Variants in IQCJ observed in about 807,000 individuals in gnomAD.
The protein encoded by IQCJ is IQ motif containing J.
IQCJ carries 9 observed loss-of-function variants against 11.0 expected under a neutral mutation model. The ratio of observed to expected loss-of-function variants is 0.82; its 90% CI spans 0.49 to 1.43. IQCJ has a LOEUF of 1.43. Among genes scored for constraint, IQCJ ranks in the 40% most tolerant of loss-of-function variants. The pLI is 0.00. For missense variants in IQCJ, 146 were observed against 133.2 expected (o/e 1.10, Z -0.47); for synonymous variants, 55 against 51.3 (o/e 1.07, Z -0.31).
intron 1 of IQCJ, among the ~76,000 whole-genome samples, chr3:159,161,029 T>C (rs1196135546): frequency 6.6e-6 from 1 of 152,186 alleles, no homozygotes; most frequent in Non-Finnish European, 1.5e-5. Context: ...TGATTTATAG[T>C]CCTTTGGGTA....
At chr3:159,219,361 G>A (rs1407739968) in intron 1 of IQCJ, among the ~76,000 whole-genome samples, 1 of 152,116 alleles carries the variant, frequency 6.6e-6, no homozygotes, top group Non-Finnish European at 1.5e-5. Flanking sequence ...ATGGAGGGAA[G>A]TCTTCAGCCA....
chr3:159,116,730 A>G (rs532793486), intron 1 of IQCJ, among the ~76,000 whole-genome samples: 2 of 147,782 alleles, frequency 1.4e-5, no homozygotes, highest in Non-Finnish European at 3.0e-5. Flanking sequence ...CATCTTGAAC[A>G]TTTGCATATC....
intron 1 of IQCJ, among the ~76,000 whole-genome samples, chr3:159,153,745 C>G (rs753976980): frequency 6.6e-6 from 1 of 152,188 alleles, no homozygotes; most frequent in Non-Finnish European, 1.5e-5. Flanking sequence ...GTTTCCATTT[C>G]CTTTGTGACA....
At chr3:159,210,914 C>T (rs186360819) in intron 1 of IQCJ, among the ~76,000 whole-genome samples, 23 of 147,844 alleles carry the variant, frequency 1.6e-4, no homozygotes, top group South Asian at 9.6e-4. Flanking sequence ...TCAGGTGATC[C>T]GCCCACCTCT....
rs75926357 is a variant in IQCJ, at chr3:159,197,478, G to C, written c.10-48365G>C. ...AAACACAGGTCTGGCCATGGCATCCGAGCCTTCCCTGGATCAGCTGGTGAG... is the reference window on the plus strand; with the variant it reads ...AAACACAGGTCTGGCCATGGCATCCCAGCCTTCCCTGGATCAGCTGGTGAG... On this transcript the variant is annotated intron_variant, in intron 1 of 3. Coordinates refer to ENST00000397832, the MANE Select transcript of IQCJ (RefSeq NM_001042706.3). Among the ~76,000 whole-genome samples the C allele has an allele frequency of 3.2e-3, 494 of 152,226 alleles. 8 individuals are homozygous for C. The highest frequency in any genetic ancestry group is 0.011 in the African/African-American group (437 of 41,522).
intron 1 of IQCJ, among the ~76,000 whole-genome samples, chr3:159,153,195 C>A (rs1721326520): frequency 6.6e-6 from 1 of 152,126 alleles, no homozygotes; most frequent in African/African-American, 2.4e-5. Flanking sequence ...TATATTAATA[C>A]ATAAACTTTA....
chr3:159,116,903 T>C (rs1719057866), intron 1 of IQCJ, among the ~76,000 whole-genome samples: 1 of 152,006 alleles, frequency 6.6e-6, no homozygotes, highest in South Asian at 2.1e-4. Flanking sequence ...GATCACTGTT[T>C]GCTACCAGCC....
At chr3:159,249,269 C>T (rs1727454178) in intron 2 of IQCJ, among the ~76,000 whole-genome samples, 1 of 152,162 alleles carries the variant, frequency 6.6e-6, no homozygotes, top group Non-Finnish European at 1.5e-5. Context: ...TGTCTTCTCT[C>T]AGGAAGATAT....
At chr3:159,110,751 C>T (rs1718574318) in intron 1 of IQCJ, among the ~76,000 whole-genome samples, 1 of 152,194 alleles carries the variant, frequency 6.6e-6, no homozygotes, top group Admixed American at 6.5e-5. Flanking sequence ...ACAAGCTGTT[C>T]TGCATCTGGC....
At chr3:159,161,736 G>C (rs1226773714) in intron 1 of IQCJ, among the ~76,000 whole-genome samples, 1 of 152,164 alleles carries the variant, frequency 6.6e-6, no homozygotes, top group Admixed American at 6.5e-5. Flanking sequence ...TCCAGTTTCA[G>C]CTTTCTACCT....
chr3:159,141,566 A>G (rs1720605861), intron 1 of IQCJ, among the ~76,000 whole-genome samples: 1 of 152,254 alleles, frequency 6.6e-6, no homozygotes, highest in Non-Finnish European at 1.5e-5. Context: ...AATACAGTCC[A>G]TGTTTGTGAT....
At chr3:159,220,629 G>T (rs1322894515) in intron 1 of IQCJ, among the ~76,000 whole-genome samples, 1 of 152,022 alleles carries the variant, frequency 6.6e-6, no homozygotes, top group Non-Finnish European at 1.5e-5. Flanking sequence ...TTCTCCTATC[G>T]TGGGGACTGG....
chr3:159,240,855 A>T (rs1726876860), intron 1 of IQCJ, among the ~76,000 whole-genome samples: 1 of 152,054 alleles, frequency 6.6e-6, no homozygotes, highest in Non-Finnish European at 1.5e-5. Flanking sequence ...GGCCTCCCAA[A>T]GTGTTGGGAT....
At chr3:159,081,587 G>A (rs574895149) in intron 1 of IQCJ, among the ~76,000 whole-genome samples, 1 of 152,192 alleles carries the variant, frequency 6.6e-6, no homozygotes, top group South Asian at 2.1e-4. Flanking sequence ...AACTACAAAT[G>A]AGCACATCAT....
At chr3:159,069,874 T>TGTGC (rs1559972114) in intron 1 of IQCJ, 242 of 370,502 alleles carry the variant, frequency 6.5e-4, no homozygotes, top group African/African-American at 4.8e-3. Context: ...TGTGTGTGTG[T>TGTGC]GTGTGTGTGT....
intron 1 of IQCJ, among the ~76,000 whole-genome samples, chr3:159,120,588 C>A (rs1316475752): frequency 1.3e-5 from 2 of 152,192 alleles, no homozygotes; most frequent in East Asian, 1.9e-4. Context: ...GAACATATAG[C>A]ATCCTTTCTG....
chr3:159,223,747 T>G (rs534026578), intron 1 of IQCJ, among the ~76,000 whole-genome samples: 4 of 152,144 alleles, frequency 2.6e-5, no homozygotes, highest in African/African-American at 7.2e-5. Context: ...AATGCTTCAG[T>G]GTTCAAAACT....
At chr3:159,185,694 A>C (rs1048701827) in intron 1 of IQCJ, among the ~76,000 whole-genome samples, 11 of 152,206 alleles carry the variant, frequency 7.2e-5, no homozygotes, top group African/African-American at 2.2e-4. Context: ...GGAGGCCTCA[A>C]TTCCTTTCCG....
intron 3 of IQCJ, among the ~76,000 whole-genome samples, chr3:159,262,197 A>C (rs1433055980): frequency 1.3e-5 from 2 of 152,262 alleles, no homozygotes; most frequent in Non-Finnish European, 2.9e-5. Context: ...CTCATCTAAA[A>C]TATAAGATGA....
Sources: gnomAD v4.1 joint callset for allele counts (sites outside exome capture counted in the v4.1 genomes callset) on GRCh38, gnomAD v4.1.1 for gene constraint, MANE v1.5 for transcripts, NCBI Gene and HGNC (gene_info 2026-07-23, HGNC 2026-07-21) for gene names.